Variants in ENPP3 observed in about 807,000 individuals in gnomAD.
The protein encoded by ENPP3 is ectonucleotide pyrophosphatase/phosphodiesterase 3, also known as ectonucleotide pyrophosphatase/phosphodiesterase family member 3.
Under a neutral mutation model 117.8 loss-of-function variants are expected in ENPP3, and 104 were observed. That is an observed-to-expected ratio of 0.88 (90% CI 0.75 to 1.04). The LOEUF (loss-of-function observed/expected upper bound fraction) is 1.04, where lower values mean the gene tolerates loss of function less well. ENPP3 is among the 50% of genes least tolerant of loss of function. The pLI is 0.00. For synonymous variants in ENPP3, 380 were observed against 349.9 expected (o/e 1.09, Z -0.96); for missense variants, 1,026 against 1,051.9 (o/e 0.98, Z 0.34).
chr6:131,743,528 G>A (rs1267815134), intron 24 of ENPP3, among the ~76,000 whole-genome samples: 1 of 152,048 alleles, frequency 6.6e-6, no homozygotes, highest in Non-Finnish European at 1.5e-5. Context: ...TTAGGATGAA[G>A]TTACATTCTA....
At chr6:131,679,431 T>C (rs973339835) in intron 11 of ENPP3, among the ~76,000 whole-genome samples, 2 of 151,986 alleles carry the variant, frequency 1.3e-5, no homozygotes, top group Admixed American at 1.3e-4. Flanking sequence ...GTGTTTGATA[T>C]GATTTGTCCT....
intron 7 of ENPP3, among the ~76,000 whole-genome samples, chr6:131,671,929 G>A (rs1463512381): frequency 6.6e-6 from 1 of 152,168 alleles, no homozygotes; most frequent in Non-Finnish European, 1.5e-5. Context: ...GGCATCGGCT[G>A]CCTCAAAGGA....
chr6:131,733,256 A>G (rs1245330621), intron 20 of ENPP3, among the ~76,000 whole-genome samples: 3 of 152,178 alleles, frequency 2.0e-5, no homozygotes, highest in Non-Finnish European at 4.4e-5. Flanking sequence ...TAAAAGTACA[A>G]TATACATCAC....
Position 131,718,438 on chromosome 6 carries a change from C to T in ENPP3, c.1413-234C>T, listed in dbSNP as rs141334276. On this transcript the variant is annotated intron_variant, in intron 15 of 24. Transcript: ENST00000357639. Reference sequence around the variant, plus strand: ...ATCCTGGAATTTTCCTTTCTTCTCTCGTACCCTTCTGTTTGTTCCATTATG... The same window carrying T: ...ATCCTGGAATTTTCCTTTCTTCTCTTGTACCCTTCTGTTTGTTCCATTATG... Among the ~76,000 whole-genome samples, 573 of 151,938 alleles carry T rather than the reference C, an allele frequency of 3.8e-3. 6 individuals carry two copies. The highest frequency in any genetic ancestry group is 0.013 in the African/African-American group (558 of 41,450).
chr6:131,684,602 C>A (rs1779107974), intron 12 of ENPP3, among the ~76,000 whole-genome samples: 1 of 151,732 alleles, frequency 6.6e-6, no homozygotes, highest in Non-Finnish European at 1.5e-5. Flanking sequence ...TCACTTGAAC[C>A]CGGGAAGTGG....
chr6:131,736,943 C>A (rs549629550), intron 21 of ENPP3, among the ~76,000 whole-genome samples: 1 of 152,256 alleles, frequency 6.6e-6, no homozygotes, highest in Admixed American at 6.5e-5. Flanking sequence ...ACTGGTATCA[C>A]TCAAACCTCT....
At chr6:131,733,462 G>T (rs533556987) in intron 20 of ENPP3, 126 bp from the exon 21 acceptor site, 9 of 1,003,276 alleles carry the variant, frequency 9.0e-6, no homozygotes, top group Non-Finnish European at 1.3e-5. Context: ...TGCTTGCGTA[G>T]ACCTGATTCA....
intron 2 of ENPP3, 89 bp downstream of exon 2, chr6:131,641,619 C>T: frequency 1.3e-6 from 1 of 777,526 alleles, no homozygotes; most frequent in Non-Finnish European, 2.3e-6. Flanking sequence ...CATCCCAAGC[C>T]TCCTCTGTCC....
intron 1 of ENPP3, among the ~76,000 whole-genome samples, chr6:131,638,233 G>A (rs1007123135): frequency 6.6e-6 from 1 of 151,788 alleles, no homozygotes; most frequent in African/African-American, 2.4e-5. Flanking sequence ...TAACTTCCTG[G>A]TACTTTCTCA....
chr6:131,730,709 G>T (rs761859931), intron 20 of ENPP3, among the ~76,000 whole-genome samples: 1 of 152,136 alleles, frequency 6.6e-6, no homozygotes, highest in African/African-American at 2.4e-5. Flanking sequence ...GAGGTCAGGC[G>T]TTTGAGACCA....
intron 6 of ENPP3, among the ~76,000 whole-genome samples, chr6:131,665,680 A>G (rs780615222): frequency 7.3e-5 from 11 of 150,112 alleles, no homozygotes; most frequent in Non-Finnish European, 1.6e-4. Flanking sequence ...CGAAGAACCA[A>G]CTCTTAGTTT....
intron 5 of ENPP3, among the ~76,000 whole-genome samples, chr6:131,654,146 TTAC>T (rs1393368303): frequency 2.1e-5 from 3 of 144,022 alleles, no homozygotes; most frequent in Non-Finnish European, 4.6e-5. Context: ...ATTATTATTA[TTAC>T]GAGATAGGGT....
At chr6:131,721,584 CTATGAAA>C (rs1780033649) in intron 17 of ENPP3, among the ~76,000 whole-genome samples, 1 of 151,622 alleles carries the variant, frequency 6.6e-6, no homozygotes, top group Non-Finnish European at 1.5e-5. Context: ...TTGTATGTTT[CTATGAAA>C]CATACAAATA....
chr6:131,642,321 G>T (rs932163986), intron 2 of ENPP3, among the ~76,000 whole-genome samples: 2 of 151,934 alleles, frequency 1.3e-5, no homozygotes, highest in East Asian at 3.9e-4. Context: ...CCAAATTCTT[G>T]AAAAGTAGTG....
intron 2 of ENPP3, among the ~76,000 whole-genome samples, chr6:131,644,180 A>T (rs1778110744): frequency 6.6e-6 from 1 of 152,208 alleles, no homozygotes; most frequent in Admixed American, 6.5e-5. Flanking sequence ...TCTACTAAAT[A>T]AAGAGGAACC....
intron 11 of ENPP3, among the ~76,000 whole-genome samples, chr6:131,681,283 C>A (rs1468931293): frequency 6.6e-6 from 1 of 152,140 alleles, no homozygotes; most frequent in East Asian, 1.9e-4. Flanking sequence ...CTTCTTTAAA[C>A]CTCAAGTTTC....
At chr6:131,686,014 A>T (rs1779146712) in intron 14 of ENPP3, 107 bp downstream of exon 14, 1 of 483,498 alleles carries the variant, frequency 2.1e-6, no homozygotes, top group Admixed American at 4.0e-5. Context: ...GCTACTTGGA[A>T]TTTATTTCTA....
chr6:131,710,885 C>A lies in ENPP3; in HGVS notation c.1413-7787C>A. The A allele has an allele frequency of 2.5e-6, 4 of 1,608,370 alleles. 1 individual carries two copies. The highest frequency in any genetic ancestry group is 3.4e-6 in the Non-Finnish European group (4 of 1,179,672). ...AAAAATCCAATAACAGCTGCACATA[C>A]CACCAGTTCCGATGGAAAACCATAA... is the stretch of plus-strand genomic sequence containing the variant. On this transcript the variant is annotated intron_variant, in intron 15 of 24. Transcript: ENST00000357639.
chr6:131,679,014 C>T (rs1280066871), intron 11 of ENPP3, among the ~76,000 whole-genome samples: 20 of 80,350 alleles, frequency 2.5e-4, no homozygotes, highest in African/African-American at 1.1e-3. Context: ...TCCTTCCTTC[C>T]TTCCTTCCTT....
Sources: allele counts gnomAD v4.1 joint callset (sites outside exome capture counted in the v4.1 genomes callset), GRCh38; gene constraint gnomAD v4.1.1; transcripts MANE v1.5; gene names NCBI Gene and HGNC (gene_info 2026-07-23, HGNC 2026-07-21).